Variants in CLASP1 observed in about 807,000 individuals in gnomAD.
The protein encoded by CLASP1 is CLIP-associating protein 1.
In CLASP1, 38 loss-of-function variants were observed where a neutral mutation model predicts 192.3. The observed-to-expected ratio is 0.20, with a 90% CI of 0.15 to 0.26. CLASP1 has a LOEUF of 0.26. CLASP1 is among the 10% of genes least tolerant of loss of function. CLASP1 has a pLI of 1.00. For missense variants in CLASP1, 1,433 were observed against 1,932.5 expected (o/e 0.74, Z 4.85); for synonymous variants, 691 against 712.8 (o/e 0.97, Z 0.49).
intron 2 of CLASP1, among the ~76,000 whole-genome samples, chr2:121,557,283 T>G (rs891894324): frequency 1.3e-5 from 2 of 152,080 alleles, no homozygotes; most frequent in Non-Finnish European, 2.9e-5. Flanking sequence ...ACTTTTTGAT[T>G]ACATAGAATA....
At chr2:121,387,952 A>G in intron 30 of CLASP1, 46 bp from the exon 32 acceptor site, 1 of 1,411,262 alleles carries the variant, frequency 7.1e-7, no homozygotes, top group Non-Finnish European at 9.8e-7. Flanking sequence ...ACAATAGGTC[A>G]TCAAAATGTT....
chr2:121,409,248 G>A (rs1035002613), intron 24 of CLASP1, among the ~76,000 whole-genome samples: 1 of 152,122 alleles, frequency 6.6e-6, no homozygotes, highest in African/African-American at 2.4e-5. Context: ...CCTCCTCCAC[G>A]TCTCAGAAGA....
At chr2:121,595,941 T>C (rs1338037558) in intron 2 of CLASP1, among the ~76,000 whole-genome samples, 1 of 152,228 alleles carries the variant, frequency 6.6e-6, no homozygotes, top group Non-Finnish European at 1.5e-5. Context: ...ATCCTCTATG[T>C]AGTAAATATC....
chr2:121,532,472 A>T (rs2094919956), intron 2 of CLASP1: 1 of 152,240 alleles, frequency 6.6e-6, no homozygotes, highest in Non-Finnish European at 1.5e-5. Flanking sequence ...AGTACACGTC[A>T]TATGATGTCA....
intron 1 of CLASP1, among the ~76,000 whole-genome samples, chr2:121,641,788 T>C (rs1201784489): frequency 6.6e-6 from 1 of 152,252 alleles, no homozygotes; most frequent in East Asian, 1.9e-4. Context: ...TTTGTGAAAC[T>C]AACACATTCT....
chr2:121,546,703 A>G (rs72971223), intron 2 of CLASP1, among the ~76,000 whole-genome samples: 2 of 152,070 alleles, frequency 1.3e-5, no homozygotes, highest in Non-Finnish European at 1.5e-5. Context: ...CTCAGGCGCA[A>G]ACAGAGACCC....
At chr2:121,632,754 G>A (rs2069955762) in intron 1 of CLASP1, among the ~76,000 whole-genome samples, 1 of 152,028 alleles carries the variant, frequency 6.6e-6, no homozygotes, top group Non-Finnish European at 1.5e-5. Flanking sequence ...AAATTAGCCA[G>A]GCATGGTGGC....
At position 121,490,256 on chromosome 2, in the gene CLASP1, A is replaced by G. The variant is rs55823249; in HGVS notation, c.712+12911T>C. The G allele has an allele frequency of 3.6e-3, 1,616 of 452,942 alleles. 4 individuals carry two copies. Among genetic ancestry groups the G allele is most frequent in the Middle Eastern group, 0.014 (42 of 3,062 alleles). 28.1% of individuals were successfully genotyped at this position (452,942 alleles called of 1,614,324 possible). A position where few individuals can be genotyped will look rare whatever the true frequency, so the allele number is the denominator to read the frequency against. On this transcript the variant is annotated intron_variant, in intron 8 of 39. Transcript: ENST00000263710. ...AATAATTATAAACACTTTTCAGAAT[A>G]TATTAGAATAGCCTACCTTTCCCAG...
chr2:121,506,297 A>C (rs2093948622), intron 7 of CLASP1, among the ~76,000 whole-genome samples: 1 of 152,118 alleles, frequency 6.6e-6, no homozygotes, highest in South Asian at 2.1e-4. Context: ...AAGAACTATC[A>C]TTCCACCTAT....
rs557899369 is a variant in CLASP1, at chr2:121,638,233, G to A, written c.-286+11139C>T. Among the ~76,000 whole-genome samples, 4 of 151,886 alleles carry A rather than the reference G, an allele frequency of 2.6e-5. No individual in the cohort carries two copies. In the South Asian group the frequency reaches 8.3e-4, roughly 32 times the overall value. On this transcript the variant is annotated intron_variant, in intron 1 of 39. Transcript: ENST00000263710. ...AGATGCCTAACAACTTAGTCATTAGGAAAATTAAAATCAAAACCAAATTAA... is the reference window on the plus strand; with the variant it reads ...AGATGCCTAACAACTTAGTCATTAGAAAAATTAAAATCAAAACCAAATTAA...
At position 121,530,207 on chromosome 2, in the gene CLASP1, C is replaced by CT. The variant is rs775401935; in HGVS notation, c.274+39dup. 2.6e-6 allele frequency: 4 copies of CT among 1,524,614 alleles called. No individual in the cohort carries two copies. The South Asian group carries it at 4.8e-5, about 18-fold the overall frequency. 94.4% of individuals were successfully genotyped at this position (1,524,614 alleles called of 1,614,324 possible). A position where few individuals can be genotyped will look rare whatever the true frequency, so the allele number is the denominator to read the frequency against. On this transcript the variant is annotated intron_variant, in intron 3 of 39. Transcript: ENST00000263710. ...GGGAGGCCGAGGGAAGGCTGGGGGT[C>CT]TGAAGGGGCCGGGTCCGCTCCACAA...
intron 2 of CLASP1, among the ~76,000 whole-genome samples, chr2:121,556,085 G>C (rs1202333314): frequency 7.6e-6 from 1 of 131,950 alleles, no homozygotes; most frequent in Non-Finnish European, 1.5e-5. Context: ...CCAGGTTCAA[G>C]CAAATTCTCG....
intron 26 of CLASP1, chr2:121,403,732 A>G (rs1195445847): frequency 1.1e-5 from 5 of 464,780 alleles, no homozygotes; most frequent in Non-Finnish European, 2.2e-5. Flanking sequence ...ACCCCTGGAA[A>G]GTGTTCTGTC....
chr2:121,483,225 C>G (rs1298503213), intron 8 of CLASP1, among the ~76,000 whole-genome samples: 1 of 152,162 alleles, frequency 6.6e-6, no homozygotes, highest in Non-Finnish European at 1.5e-5. Flanking sequence ...TGAATCACCT[C>G]ACTATTGTCT....
intron 1 of CLASP1, among the ~76,000 whole-genome samples, chr2:121,633,117 A>T (rs1414755825): frequency 6.6e-6 from 1 of 151,286 alleles, no homozygotes; most frequent in Admixed American, 6.6e-5. Context: ...GAGAAACTTA[A>T]ATTTTTAATT....
At chr2:121,612,608 G>C (rs911710591) in intron 1 of CLASP1, among the ~76,000 whole-genome samples, 6 of 152,114 alleles carry the variant, frequency 3.9e-5, no homozygotes, top group African/African-American at 1.4e-4. Flanking sequence ...GGAGGAGGAA[G>C]TAAAACTCTC....
At chr2:121,567,728 T>C (rs1364996079) in intron 2 of CLASP1, among the ~76,000 whole-genome samples, 2 of 152,222 alleles carry the variant, frequency 1.3e-5, no homozygotes, top group Admixed American at 6.5e-5. Flanking sequence ...CAAATAAATC[T>C]CTACCCTAAT....
At chr2:121,544,772 A>T (rs1371148739) in intron 2 of CLASP1, among the ~76,000 whole-genome samples, 1 of 152,192 alleles carries the variant, frequency 6.6e-6, no homozygotes, top group Non-Finnish European at 1.5e-5. Context: ...AAAAAGTGAA[A>T]AACATGGGAT....
At chr2:121,442,071 AG>A (rs774243102) in intron 19 of CLASP1, among the ~76,000 whole-genome samples, 3 of 152,200 alleles carry the variant, frequency 2.0e-5, no homozygotes, top group Non-Finnish European at 4.4e-5. Flanking sequence ...TCAGCCCCAC[AG>A]GCCATTCAAA....
Sources: allele counts gnomAD v4.1 joint callset (sites outside exome capture counted in the v4.1 genomes callset), GRCh38; gene constraint gnomAD v4.1.1; transcripts MANE v1.5; gene names NCBI Gene and HGNC (gene_info 2026-07-23, HGNC 2026-07-21).